The following GYS2 variants were observed in gnomAD, a reference collection of about 807,000 sequenced individuals.
GYS2 encodes glycogen [starch] synthase, liver.
GYS2 carries 80 observed loss-of-function variants against 85.6 expected under a neutral mutation model. The ratio of observed to expected loss-of-function variants is 0.93; its 90% CI spans 0.78 to 1.13. The LOEUF (loss-of-function observed/expected upper bound fraction) is 1.13, where lower values mean the gene tolerates loss of function less well. GYS2 is among the 50% of genes most tolerant of loss of function. GYS2 has a pLI of 0.00. For synonymous variants in GYS2, 328 were observed against 300.7 expected, an observed-to-expected ratio of 1.09 and a Z score of -0.94; for missense variants, 881 against 854.9, an observed-to-expected ratio of 1.03 and a Z score of -0.38.
chr12:21,588,861 G>A (rs1199488528), intron 1 of GYS2, among the ~76,000 whole-genome samples: 4 of 152,332 alleles, frequency 2.6e-5, no homozygotes, highest in Non-Finnish European at 5.9e-5. Context: ...AATAAACTTA[G>A]CCAATTTGCA....
chr12:21,588,744 C>A (rs1944601306), intron 1 of GYS2, among the ~76,000 whole-genome samples: 1 of 152,174 alleles, frequency 6.6e-6, no homozygotes, highest in Non-Finnish European at 1.5e-5. Context: ...ACTTAACCAT[C>A]CAACAATAAA....
chr12:21,588,419 G>A (rs184869500), intron 1 of GYS2, among the ~76,000 whole-genome samples: 7 of 152,294 alleles, frequency 4.6e-5, no homozygotes, highest in South Asian at 2.1e-4. Context: ...TTTGAAAGGC[G>A]AGACACAAAA....
intron 2 of GYS2, among the ~76,000 whole-genome samples, chr12:21,578,234 C>T (rs1052949005): frequency 6.6e-6 from 1 of 152,194 alleles, no homozygotes; most frequent in African/African-American, 2.4e-5. Context: ...ACATTATCAT[C>T]TTCTTTCTGG....
At chr12:21,590,150 G>A (rs1341267987) in intron 1 of GYS2, among the ~76,000 whole-genome samples, 2 of 152,148 alleles carry the variant, frequency 1.3e-5, no homozygotes, top group African/African-American at 4.8e-5. Flanking sequence ...GCCACTGAAA[G>A]CAACACACCC....
At chr12:21,577,878 A>G (rs1944464299) in intron 2 of GYS2, among the ~76,000 whole-genome samples, 1 of 152,202 alleles carries the variant, frequency 6.6e-6, no homozygotes, top group Non-Finnish European at 1.5e-5. Flanking sequence ...CTATCCAAAA[A>G]TATTACCTTT....
At chr12:21,563,860 C>T (rs1456929598) in intron 5 of GYS2, among the ~76,000 whole-genome samples, 1 of 152,202 alleles carries the variant, frequency 6.6e-6, no homozygotes, top group African/African-American at 2.4e-5. Flanking sequence ...CTTAACCCTG[C>T]ACTAAACTAC....
intron 2 of GYS2, among the ~76,000 whole-genome samples, chr12:21,578,721 G>C (rs1451273902): frequency 6.6e-6 from 1 of 151,498 alleles, no homozygotes; most frequent in Non-Finnish European, 1.5e-5. Flanking sequence ...TTCCTTTTTT[G>C]AGTGAGACAA....
At chr12:21,574,394 T>C in intron 3 of GYS2, 68 bp from the exon 4 acceptor site, 4 of 1,167,074 alleles carry the variant, frequency 3.4e-6, no homozygotes, top group Non-Finnish European at 3.9e-6. Context: ...ATGGTCCACA[T>C]CATAAGTGGA....
chr12:21,542,891 G>A (rs985194876), intron 12 of GYS2, among the ~76,000 whole-genome samples: 1 of 152,152 alleles, frequency 6.6e-6, no homozygotes, highest in Non-Finnish European at 1.5e-5. Flanking sequence ...TCAGGCACCC[G>A]GCTGCAGAAC....
intron 11 of GYS2, among the ~76,000 whole-genome samples, chr12:21,557,403 A>G (rs1011389858): frequency 6.6e-6 from 1 of 152,218 alleles, no homozygotes; most frequent in Non-Finnish European, 1.5e-5. Context: ...GTGCCTAGTC[A>G]TTGTGGAAAC....
chr12:21,552,429 G>A (rs933973887), intron 11 of GYS2, among the ~76,000 whole-genome samples: 8 of 152,154 alleles, frequency 5.3e-5, no homozygotes, highest in African/African-American at 1.7e-4. Context: ...TGCACTCTGA[G>A]AGTTTAGAAC....
intron 1 of GYS2, among the ~76,000 whole-genome samples, chr12:21,599,664 CA>C (rs1314777626): frequency 5.3e-5 from 8 of 152,180 alleles, no homozygotes; most frequent in African/African-American, 1.9e-4. Flanking sequence ...GGCTTATCCA[CA>C]TCAGTAATTA....
intron 1 of GYS2, among the ~76,000 whole-genome samples, chr12:21,582,692 C>G (rs529045241): frequency 6.6e-6 from 1 of 151,652 alleles, no homozygotes; most frequent in East Asian, 1.9e-4. Context: ...ATTTTGGTAC[C>G]AGGAGTGGTT....
Position 21,604,600 on chromosome 12 carries a change from A to G in GYS2, c.-8T>C. Reference sequence around the variant, plus strand: ...GGATCGGCCTCGAAGCATTCTTCTTACAGTCCTCCGAGACTCCTTTGAATT... The same window carrying G: ...GGATCGGCCTCGAAGCATTCTTCTTGCAGTCCTCCGAGACTCCTTTGAATT... On this transcript the variant is annotated 5_prime_UTR_variant, in exon 1 of 16. Transcript: ENST00000261195. 2 of 1,612,310 alleles carry G rather than the reference A, an allele frequency of 1.2e-6. No individual in the cohort carries two copies. Among genetic ancestry groups the G allele is most frequent in the South Asian group, 1.1e-5 (1 of 91,058 alleles).
chr12:21,564,805 G>A (rs1944298525), intron 5 of GYS2, among the ~76,000 whole-genome samples: 1 of 152,094 alleles, frequency 6.6e-6, no homozygotes, highest in Non-Finnish European at 1.5e-5. Context: ...AAATCCCTAT[G>A]AGGTAAATTG....
At chr12:21,585,513 G>A (rs1258049950) in intron 1 of GYS2, among the ~76,000 whole-genome samples, 1 of 148,066 alleles carries the variant, frequency 6.8e-6, no homozygotes, top group Non-Finnish European at 1.5e-5. Flanking sequence ...ACTACTACAG[G>A]CCATTCCAGG....
rs1287159864 is a variant in GYS2 at position 21,539,294 on chromosome 12, TG to T, written c.1853del (p.Pro618GlnfsTer8). ...ARHLTLSRAF[P>X]DKFHVELTSP... ...ATGTTAGTTCCACATGGAATTTATC[TG>T]GAAAAGCTCTGCTTAATGTCAGGTG... is the stretch of plus-strand genomic sequence containing the variant. On this transcript the variant is annotated frameshift_variant, in exon 15 of 16. Transcript: ENST00000261195. LOFTEE classifies it high-confidence loss of function. The T allele has an allele frequency of 6.2e-7, 1 of 1,606,152 alleles. No individual in the cohort carries two copies.
chr12:21,562,871 A>AC lies in GYS2; in HGVS notation c.1062+46_1062+47insG, dbSNP rs746031784. On this transcript the variant is annotated intron_variant, in intron 7 of 15. Coordinates refer to ENST00000261195, the MANE Select transcript of GYS2 (RefSeq NM_021957.4). The stretch of plus-strand genomic sequence containing the variant: ...AAAATTCTTCACTTCCCACAGAAGA[A>AC]AGTTCTCCCTACAAGAGTGTTATAC... 4.4e-6 allele frequency: 7 copies of AC among 1,606,988 alleles called. No individual in the cohort carries two copies. The Admixed American group carries it at 1.2e-4, about 27-fold the overall frequency.
intron 1 of GYS2, among the ~76,000 whole-genome samples, chr12:21,587,077 A>G (rs1311915420): frequency 6.6e-6 from 1 of 152,208 alleles, no homozygotes; most frequent in Admixed American, 6.5e-5. Flanking sequence ...TAACTCAGAA[A>G]CAGAAAGTCA....
Sources: gnomAD v4.1 joint callset for allele counts (sites outside exome capture counted in the v4.1 genomes callset) on GRCh38, gnomAD v4.1.1 for gene constraint, MANE v1.5 for transcripts, NCBI Gene and HGNC (gene_info 2026-07-23, HGNC 2026-07-21) for gene names.